Variants in PLD1 observed in about 807,000 individuals in gnomAD.
PLD1 encodes choline phosphatase 1.
A neutral mutation model predicts 137.1 loss-of-function variants in PLD1; 112 were observed. That is an observed-to-expected ratio of 0.82 (90% CI 0.70 to 0.96). The LOEUF is 0.96. PLD1 is among the 40% of genes least tolerant of loss of function. The probability of loss-of-function intolerance (pLI) is 0.00; values close to 1 mark genes in which losing one functional copy is unlikely to be tolerated. For synonymous variants in PLD1, 431 were observed against 454.7 expected (o/e 0.95, Z 0.66); for missense variants, 1,321 against 1,342.0 (o/e 0.98, Z 0.24).
In PLD1 at chr3:171,647,451, C is replaced by CT. The variant is rs970611365; in HGVS notation, c.2430-2429dup. 2.7e-4 allele frequency among the ~76,000 whole-genome samples: 40 copies of CT among 147,320 alleles called. No individual in the cohort carries two copies. In the Middle Eastern group the frequency reaches 0.01, roughly 39 times the overall value. ...GTAATATAAAATTTGCCATTTTACC[C>CT]TTTTTTTTTTATTTTGAGATAGAGT... On this transcript the variant is annotated intron_variant, in intron 21 of 26. Coordinates refer to ENST00000351298, the MANE Select transcript of PLD1 (RefSeq NM_002662.5).
intron 19 of PLD1, among the ~76,000 whole-genome samples, chr3:171,664,726 T>C (rs187441802): frequency 1.0e-3 from 158 of 152,346 alleles, no homozygotes; most frequent in African/African-American, 3.6e-3. Flanking sequence ...CCCAAAGTGC[T>C]GGGATTACAG....
In PLD1 at chr3:171,601,292, A is replaced by G. The variant is rs1400563826; in HGVS notation, c.*1786T>C. ...TTTTCATGAGAGTAGGGTGCTGAAA[A>G]TCAAGAGCCAGTTTGTTGACTCCTC... is the stretch of plus-strand genomic sequence containing the variant. On this transcript the variant is annotated 3_prime_UTR_variant, in exon 27 of 27. Coordinates refer to ENST00000351298, the MANE Select transcript of PLD1 (RefSeq NM_002662.5). 2.6e-5 allele frequency: 4 copies of G among 152,146 alleles called. No homozygotes were observed. The highest frequency in any genetic ancestry group is 7.2e-5 in the African/African-American group (3 of 41,412). The allele number at this position is 152,146 out of a possible 1,614,324, so 9.4% of individuals were successfully genotyped here.
chr3:171,749,817 T>C (rs960601681), intron 1 of PLD1, among the ~76,000 whole-genome samples: 3 of 152,156 alleles, frequency 2.0e-5, no homozygotes, highest in East Asian at 1.9e-4. Context: ...AAATTTTGCA[T>C]AGGCTGACGC....
intron 23 of PLD1, among the ~76,000 whole-genome samples, chr3:171,639,848 C>CTCTCTCTATATATATATATATATATATA (rs3050415): frequency 9.1e-6 from 1 of 110,190 alleles, no homozygotes; most frequent in African/African-American, 3.9e-5. Flanking sequence ...CTCTCTCTCT[C>CTCTCTCTATATATATATATATATATATA]TATATATATA....
At chr3:171,677,851 A>C in intron 16 of PLD1, 157 bp from the exon 17 acceptor site, 1 of 619,998 alleles carries the variant, frequency 1.6e-6, no homozygotes, top group East Asian at 2.9e-5. Flanking sequence ...GTGGGCTAAC[A>C]AGGTTTTACA....
At chr3:171,721,217 G>C (rs557663736) in intron 8 of PLD1, 8 of 152,318 alleles carry the variant, frequency 5.3e-5, no homozygotes, top group South Asian at 2.1e-4. Context: ...GCCTTAGGTT[G>C]GGTTGTCCCA....
chr3:171,782,635 C>A (rs757382403), intron 1 of PLD1, among the ~76,000 whole-genome samples: 2,144 of 152,226 alleles, frequency 0.014, 30 homozygotes, highest in Non-Finnish European at 0.021. Flanking sequence ...TTCACCTTAA[C>A]ATTCTTTCAA....
intron 6 of PLD1, among the ~76,000 whole-genome samples, chr3:171,727,617 T>C (rs1428648556): frequency 2.6e-5 from 4 of 152,126 alleles, no homozygotes; most frequent in African/African-American, 9.7e-5. Flanking sequence ...TGGAAAACAC[T>C]ACCCTCAATG....
At chr3:171,624,826 A>G (rs1480957293) in intron 23 of PLD1, among the ~76,000 whole-genome samples, 1 of 152,132 alleles carries the variant, frequency 6.6e-6, no homozygotes, top group Non-Finnish European at 1.5e-5. Flanking sequence ...AGATCAGGAG[A>G]AATAAGAAAA....
At chr3:171,707,524 A>G (rs879691498) in intron 11 of PLD1, among the ~76,000 whole-genome samples, 8 of 152,188 alleles carry the variant, frequency 5.3e-5, no homozygotes, top group South Asian at 4.1e-4. Flanking sequence ...CTAGTAACTG[A>G]CTGAAAAGAC....
intron 25 of PLD1, among the ~76,000 whole-genome samples, chr3:171,607,750 T>G (rs552045306): frequency 6.6e-6 from 1 of 152,204 alleles, no homozygotes; most frequent in Admixed American, 6.5e-5. Flanking sequence ...TGAGTCCTAA[T>G]TGTGTGGACA....
chr3:171,784,834 A>T (rs1349110173), intron 1 of PLD1, among the ~76,000 whole-genome samples: 2 of 152,016 alleles, frequency 1.3e-5, no homozygotes, highest in East Asian at 3.8e-4. Context: ...ATCTATAGAA[A>T]CTCCCCCCTT....
intron 4 of PLD1, among the ~76,000 whole-genome samples, chr3:171,735,218 C>T (rs1423725363): frequency 6.6e-6 from 1 of 152,156 alleles, no homozygotes; most frequent in African/African-American, 2.4e-5. Flanking sequence ...GTTTTAAACT[C>T]TTGGGCTCAA....
chr3:171,655,270 T>A (rs978081816), intron 21 of PLD1, among the ~76,000 whole-genome samples: 2 of 152,170 alleles, frequency 1.3e-5, no homozygotes, highest in African/African-American at 4.8e-5. Context: ...GAGAGAGGGG[T>A]AAGTTTGGGA....
At chr3:171,776,617 T>C (rs1722598360) in intron 1 of PLD1, among the ~76,000 whole-genome samples, 1 of 152,248 alleles carries the variant, frequency 6.6e-6, no homozygotes, top group Non-Finnish European at 1.5e-5. Flanking sequence ...TTATTTAATC[T>C]GTGACGTGTG....
In PLD1 at chr3:171,639,848, C is replaced by CTATATA. The variant is rs148607591; in HGVS notation, c.2593+2986_2593+2991dup. ...TCTCTCTCTCTCTCTCTCTCTCTCT[C>CTATATA]TATATATATATATATATCTCCTATT... On this transcript the variant is annotated intron_variant, in intron 23 of 26. Coordinates refer to ENST00000351298, the MANE Select transcript of PLD1 (RefSeq NM_002662.5). Among the ~76,000 whole-genome samples the CTATATA allele has an allele frequency of 3.8e-3, 424 of 110,180 alleles. 1 individual carries two copies. Among genetic ancestry groups the CTATATA allele is most frequent in the South Asian group, 0.011 (42 of 3,668 alleles). 72.3% of individuals were successfully genotyped at this position (110,180 alleles called of 152,430 possible). A position where few individuals can be genotyped will look rare whatever the true frequency, so the allele number is the denominator to read the frequency against.
At chr3:171,608,757 T>C (rs1193585836) in intron 25 of PLD1, among the ~76,000 whole-genome samples, 1 of 152,040 alleles carries the variant, frequency 6.6e-6, no homozygotes, top group Non-Finnish European at 1.5e-5. Flanking sequence ...TACACTAAAA[T>C]ACACTGCAGA....
At chr3:171,651,276 A>G (rs932899717) in intron 21 of PLD1, among the ~76,000 whole-genome samples, 1 of 152,186 alleles carries the variant, frequency 6.6e-6, no homozygotes, top group Admixed American at 6.5e-5. Flanking sequence ...TAGATTTTGC[A>G]GCAGTGAATA....
rs542965596 is a variant in PLD1 at position 171,665,165 on chromosome 3, T to C, written c.2230-2995A>G. On this transcript the variant is annotated intron_variant, in intron 19 of 26. Coordinates refer to ENST00000351298, the MANE Select transcript of PLD1 (RefSeq NM_002662.5). ...ATACACATGAGGAGAATTACATCAA[T>C]GTCAGCTTGCATATGAAGTCTAATA... 9.8e-5 allele frequency among the ~76,000 whole-genome samples: 15 copies of C among 152,330 alleles called. No homozygotes were observed. The South Asian group carries it at 3.1e-3, about 32-fold the overall frequency.
Sources: allele counts gnomAD v4.1 joint callset (sites outside exome capture counted in the v4.1 genomes callset), GRCh38; gene constraint gnomAD v4.1.1; transcripts MANE v1.5; gene names NCBI Gene and HGNC (gene_info 2026-07-23, HGNC 2026-07-21).